Variants in BOD1L1 observed in about 807,000 individuals in gnomAD.
The protein encoded by BOD1L1 is biorientation of chromosomes in cell division 1 like 1.
In BOD1L1, 86 loss-of-function variants were observed where a neutral mutation model predicts 240.7. The observed-to-expected ratio is 0.36, with a 90% confidence interval of 0.30 to 0.43. The LOEUF (loss-of-function observed/expected upper bound fraction) is 0.43, where lower values mean the gene tolerates loss of function less well. Among genes scored for constraint, BOD1L1 ranks in the 20% least tolerant of loss-of-function variants. The probability of loss-of-function intolerance (pLI) is 1.00; values close to 1 mark genes in which losing one functional copy is unlikely to be tolerated. For missense variants in BOD1L1, 3,554 were observed against 3,643.5 expected, an observed-to-expected ratio of 0.98 and a Z score of 0.63; for synonymous variants, 1,268 against 1,272.3, an observed-to-expected ratio of 1.00 and a Z score of 0.07.
At chr4:13,587,437 C>A (rs1350492999) in intron 16 of BOD1L1, among the ~76,000 whole-genome samples, 1 of 152,108 alleles carries the variant, frequency 6.6e-6, no homozygotes, top group East Asian at 1.9e-4. Flanking sequence ...CCTGGCTGGG[C>A]TCCAGGGTGT....
chr4:13,621,310 C>T (rs979136009), intron 1 of BOD1L1, among the ~76,000 whole-genome samples: 22 of 152,216 alleles, frequency 1.4e-4, no homozygotes, highest in African/African-American at 4.8e-4. Flanking sequence ...ATTAAGCAAG[C>T]ACTGTATAGC....
chr4:13,599,681 C>G lies in BOD1L1; in HGVS notation c.7219G>C (p.Gly2407Arg), dbSNP rs1198180386. Residue 2407 changes from glycine (G) to arginine (R), a missense_variant, in exon 10 of 26, where the codon GGG becomes CGG. Coordinates refer to ENST00000040738, the MANE Select transcript of BOD1L1 (RefSeq NM_148894.3). ...GPVLAVSTEE[G>R]HNGPSVHKPS... ...TTGTGGACTGATGGCCCGTTGTGCC[C>G]CTCCTCGGTGCTCACTGCCAACACG... is the stretch of plus-strand genomic sequence containing the variant. The G allele has an allele frequency of 1.2e-6, 2 of 1,613,756 alleles. No individual in the cohort carries two copies. Among genetic ancestry groups the G allele is most frequent in the South Asian group, 2.2e-5 (2 of 91,088 alleles).
At position 13,599,360 on chromosome 4, in the gene BOD1L1, G is replaced by T; in HGVS notation, c.7540C>A (p.Gln2514Lys). 6.2e-7 allele frequency: 1 copy of T among 1,613,940 alleles called. No homozygotes were observed. The highest frequency in any genetic ancestry group is 8.5e-7 in the Non-Finnish European group (1 of 1,179,884). The change falls in exon 10 of 26, where the codon CAG becomes AAG. Residue 2514 changes from glutamine to lysine, a missense_variant. Transcript: ENST00000040738. ...CTGACAGAGGGATCCTTAGCCGTCT[G>T]CCCAGACGTCTGTTCTGGTCCTCTC... ...HLRGPEQTSG[Q>K]TAKDPSVSIR...
Position 13,614,698 on chromosome 4 carries a change from T to C in BOD1L1, c.672A>G (p.Thr224=), listed in dbSNP as rs762188465. The C allele has an allele frequency of 4.1e-5, 66 of 1,613,826 alleles. No individual in the cohort carries two copies. In the Middle Eastern group the frequency reaches 4.9e-4, roughly 12 times the overall value. ...CTCTCTCACTGGTCTTGGCATTTGA[T>C]GTTTCTGTTGAAGCCCTAGCAGCAC... The part of the protein sequence containing the change: ...EASAARASTE[T]SNAKTSERAS... The change falls in exon 4 of 26, where the codon ACA becomes ACG. Residue 224 remains threonine, a synonymous_variant. Coordinates refer to ENST00000040738, the MANE Select transcript of BOD1L1 (RefSeq NM_148894.3).
chr4:13,590,834 A>G (rs10939492), intron 13 of BOD1L1, among the ~76,000 whole-genome samples: 84,099 of 151,842 alleles, frequency 0.55, 26,669 homozygotes, highest in East Asian at 0.96. Context: ...AATCTTATCA[A>G]TTCTACTGTT....
rs193138314 is a variant in BOD1L1, at chr4:13,626,642, G to A, written c.243+703C>T. On this transcript the variant is annotated intron_variant, in intron 1 of 25. Coordinates refer to ENST00000040738, the MANE Select transcript of BOD1L1 (RefSeq NM_148894.3). ...TTTCTGGACAGGGAACCTTGTTGCT[G>A]TCCTTTCCCTTCTCTACATTACTCT... 1.1e-3 allele frequency among the ~76,000 whole-genome samples: 162 copies of A among 152,194 alleles called. 2 individuals are homozygous for A. The highest frequency in any genetic ancestry group is 3.6e-3 in the African/African-American group (150 of 41,518).
Position 13,615,378 on chromosome 4 carries a change from T to G in BOD1L1, c.493A>C (p.Lys165Gln), listed in dbSNP as rs1430831706. The change falls in exon 3 of 26, where the codon AAA becomes CAA. Residue 165 changes from lysine (K) to glutamine (Q), a missense_variant. Lys to Gln is a moderately conservative substitution (Grantham distance 53). Coordinates refer to ENST00000040738, the MANE Select transcript of BOD1L1 (RefSeq NM_148894.3). ...VHEFLATLNH[K>Q]EEGSGNTAPD... ...GCTGTGTTGCCACTTCCTTCCTCTT[T>G]GTGATTTAGCGTGGCCAAAAACTCA... 1.2e-6 allele frequency: 2 copies of G among 1,613,698 alleles called. No homozygotes were observed. The highest frequency in any genetic ancestry group is 2.7e-5 in the African/African-American group (2 of 74,912).
chr4:13,609,631 CAG>C (rs899458122), intron 6 of BOD1L1, among the ~76,000 whole-genome samples: 1 of 151,750 alleles, frequency 6.6e-6, no homozygotes, highest in Non-Finnish European at 1.5e-5. Flanking sequence ...ATAGAAGAAA[CAG>C]ATGTGAAAAT....
rs771232362 is a variant in BOD1L1 at position 13,599,389 on chromosome 4, T to A, written c.7511A>T (p.His2504Leu). The A allele has an allele frequency of 1.2e-6, 2 of 1,614,008 alleles. No individual in the cohort carries two copies. Among genetic ancestry groups the A allele is most frequent in the East Asian group, 2.2e-5 (1 of 44,882 alleles). The change falls in exon 10 of 26, where the codon CAC becomes CTC. Residue 2504 changes from histidine (H) to leucine (L), a missense_variant. Physicochemically the swap from His to Leu is moderately conservative, Grantham distance 99. This residue lies in a region of BOD1L1 where 3,393 missense variants were observed against 3,427.1 expected (regional missense o/e 0.99). Transcript: ENST00000040738. The part of the protein sequence containing the change: ...GLEGNANSPA[H>L]LRGPEQTSGQ... ...AGACGTCTGTTCTGGTCCTCTCAGG[T>A]GGGCAGGTGAGTTAGCATTCCCCTC... is the stretch of plus-strand genomic sequence containing the variant.
chr4:13,582,439 A>G (rs1346628483), intron 18 of BOD1L1, 129 bp from the exon 19 acceptor site: 1 of 774,150 alleles, frequency 1.3e-6, no homozygotes, highest in Non-Finnish European at 2.1e-6. Flanking sequence ...CTACCATCAA[A>G]ATTAACAAGC....
Position 13,610,934 on chromosome 4 carries a change from A to G in BOD1L1, c.1491T>C (p.Ile497=), listed in dbSNP as rs1353115770. ...ELTVEQRRQS[I]AKEKEERLLR... ...AAATAACAGAACAAACTGGACTTAC[A>G]ATGGACTGTCGTCGTTGTTCTACAG... Residue 497 remains isoleucine, a splice_region_variant and synonymous_variant, in exon 6 of 26, where the codon ATT becomes ATC. Transcript: ENST00000040738. 2.5e-6 allele frequency: 4 copies of G among 1,596,156 alleles called. No individual in the cohort carries two copies. The highest frequency in any genetic ancestry group is 2.6e-6 in the Non-Finnish European group (3 of 1,173,902).
Position 13,599,569 on chromosome 4 carries a change from A to G in BOD1L1, c.7331T>C (p.Phe2444Ser), listed in dbSNP as rs1714923657. The G allele has an allele frequency of 6.2e-7, 1 of 1,613,872 alleles. No homozygotes were observed. The highest frequency in any genetic ancestry group is 1.3e-5 in the African/African-American group (1 of 74,924). The change falls in exon 10 of 26, where the codon TTT (phenylalanine) becomes TCT (serine). Residue 2444 changes from phenylalanine (F) to serine (S), a missense_variant. By Grantham distance (155) the Phe-to-Ser change is radical (BLOSUM62 -2). Transcript: ENST00000040738. The stretch of plus-strand genomic sequence containing the variant: ...GCTCTCTTTCTGTCCTCTTCCTGCA[A>G]ATGGTCCTATTTCGGGGCACTCCTT... The part of the protein sequence containing the change: ...HGKECPEIGP[F>S]AGRGQKESTL...
Position 13,604,148 on chromosome 4 carries a change from C to T in BOD1L1, c.2752G>A (p.Gly918Ser). Residue 918 changes from glycine (G) to serine (S), a missense_variant, in exon 10 of 26, where the codon GGC becomes AGC. Around this residue, in one of 2 missense-constraint regions of BOD1L1, gnomAD observed 3,393 missense variants for 3,427.1 expected, o/e 0.99. Coordinates refer to ENST00000040738, the MANE Select transcript of BOD1L1 (RefSeq NM_148894.3). The part of the protein sequence containing the change: ...LVLKSKSKTQ[G>S]KQVKVVETEL... ...GTTTCTACAACTTTTACCTGTTTGC[C>T]TTGAGTTTTTGATTTAGACTTCAAC... 1.2e-6 allele frequency: 2 copies of T among 1,613,064 alleles called. No individual in the cohort carries two copies. Among genetic ancestry groups the T allele is most frequent in the Non-Finnish European group, 1.7e-6 (2 of 1,179,702 alleles).
Position 13,576,939 on chromosome 4 carries a change from C to T in BOD1L1, c.8937G>A (p.Glu2979=). 4 of 1,613,986 alleles carry T rather than the reference C, an allele frequency of 2.5e-6. No individual in the cohort carries two copies. The highest frequency in any genetic ancestry group is 2.5e-6 in the Non-Finnish European group (3 of 1,179,876). The change falls in exon 25 of 26, where the codon GAG becomes GAA. Residue 2979 remains glutamate (E), a synonymous_variant. Transcript: ENST00000040738. ...KRQKSVSDPV[E]DKKEQESDEE... is the part of the protein sequence containing the mutation. ...CATCAGACTCCTGCTCTTTCTTGTC[C>T]TCCACTGGATCAGAAACTGATTTCT...
intron 25 of BOD1L1, among the ~76,000 whole-genome samples, chr4:13,570,398 G>A (rs1427039961): frequency 6.6e-6 from 1 of 152,208 alleles, no homozygotes; most frequent in Non-Finnish European, 1.5e-5. Flanking sequence ...GGTGCTGATG[G>A]TGCTCAAATC....
chr4:13,593,408 A>T (rs1714373950), intron 12 of BOD1L1: 1 of 152,234 alleles, frequency 6.6e-6, no homozygotes, highest in African/African-American at 2.4e-5. Context: ...GTATATGCTA[A>T]TAAAGTAATG....
rs370988735 is a variant in BOD1L1, at chr4:13,601,874, C to T, written c.5026G>A (p.Gly1676Arg). The part of the protein sequence containing the change: ...SLSRDSEIVE[G>R]TITFISEVES... ...ACTTCACTAATAAAAGTAATAGTTC[C>T]TTCAACTATTTCTGAGTCTCTACTT... Residue 1676 changes from glycine to arginine, a missense_variant, in exon 10 of 26, where the codon GGA (glycine) becomes AGA (arginine). Physicochemically the swap from Gly to Arg is moderately radical, Grantham distance 125. This residue lies in a region of BOD1L1 where 3,393 missense variants were observed against 3,427.1 expected (regional missense o/e 0.99). Coordinates refer to ENST00000040738, the MANE Select transcript of BOD1L1 (RefSeq NM_148894.3). 20 of 1,613,684 alleles carry T rather than the reference C, an allele frequency of 1.2e-5. No homozygotes were observed. In the African/African-American group the frequency reaches 2.7e-4, roughly 22 times the overall value.
At chr4:13,572,637 G>A (rs1204566707) in intron 25 of BOD1L1, 15 of 1,210,276 alleles carry the variant, frequency 1.2e-5, no homozygotes, top group Non-Finnish European at 1.5e-5. Flanking sequence ...TAGGAAGAAA[G>A]CATTATTGTA....
chr4:13,599,005 A>C lies in BOD1L1; in HGVS notation c.7895T>G (p.Phe2632Cys), dbSNP rs1714841056. 6.2e-7 allele frequency: 1 copy of C among 1,613,574 alleles called. No homozygotes were observed. The highest frequency in any genetic ancestry group is 1.3e-5 in the African/African-American group (1 of 74,906). ...TGDDNSTRKS[F>C]PEEGDIMVTV... Reference sequence around the variant, plus strand: ...AACCATTATGTCTCCTTCCTCAGGGAATGATTTCCTTGTGCTGTTATCATC... The same window carrying C: ...AACCATTATGTCTCCTTCCTCAGGGCATGATTTCCTTGTGCTGTTATCATC... The change falls in exon 10 of 26, where the codon TTC (phenylalanine) becomes TGC (cysteine). Residue 2632 changes from phenylalanine to cysteine, a missense_variant. By Grantham distance (205) the Phe-to-Cys change is radical. This residue lies in a region of BOD1L1 where 3,393 missense variants were observed against 3,427.1 expected (regional missense o/e 0.99). Transcript: ENST00000040738.
Sources: allele counts gnomAD v4.1 joint callset (sites outside exome capture counted in the v4.1 genomes callset), GRCh38; gene constraint gnomAD v4.1.1; regional missense constraint gnomAD v4.1.1; transcripts MANE v1.5; gene names NCBI Gene and HGNC (gene_info 2026-07-23, HGNC 2026-07-21).